EPM2A: variants seen among roughly 807,000 people sequenced by gnomAD.
EPM2A encodes the protein laforin.
Under a neutral mutation model 26.5 loss-of-function variants are expected in EPM2A, and 21 were observed. The observed-to-expected ratio is 0.79, with a 90% CI of 0.56 to 1.14. The LOEUF is 1.14. Among genes scored for constraint, EPM2A ranks in the 50% most tolerant of loss-of-function variants. The pLI is 0.00. For synonymous variants in EPM2A, 217 were observed against 177.6 expected (o/e 1.22, Z -1.76); for missense variants, 458 against 440.8 (o/e 1.04, Z -0.35).
chr6:145,476,304 A>G (rs1160319488), intron 4 of EPM2A, among the ~76,000 whole-genome samples: 1 of 152,086 alleles, frequency 6.6e-6, no homozygotes, highest in Non-Finnish European at 1.5e-5. Context: ...AGAGCTAAAG[A>G]GAGATATAGG....
At chr6:145,707,092 C>T (rs919125695) in intron 1 of EPM2A, among the ~76,000 whole-genome samples, 1 of 152,122 alleles carries the variant, frequency 6.6e-6, no homozygotes, top group Non-Finnish European at 1.5e-5. Flanking sequence ...CTTTGACTTC[C>T]CAGCCTCCAG....
At chr6:145,697,051 G>T (rs1167215392) in intron 1 of EPM2A, among the ~76,000 whole-genome samples, 2 of 152,066 alleles carry the variant, frequency 1.3e-5, no homozygotes, top group African/African-American at 4.8e-5. Context: ...GTGCATAATA[G>T]GTTGGCCTCA....
intron 2 of EPM2A, among the ~76,000 whole-genome samples, chr6:145,550,900 G>A (rs544803803): frequency 1.3e-5 from 2 of 151,982 alleles, no homozygotes; most frequent in East Asian, 1.9e-4. Flanking sequence ...AGAAATATAA[G>A]TCAACAGTAG....
chr6:145,530,499 G>A (rs1780339198), intron 2 of EPM2A, among the ~76,000 whole-genome samples: 1 of 151,828 alleles, frequency 6.6e-6, no homozygotes, highest in Non-Finnish European at 1.5e-5. Flanking sequence ...TTAAGAGACA[G>A]GCAGACCTGA....
chr6:145,542,737 T>A (rs968790412), intron 2 of EPM2A, among the ~76,000 whole-genome samples: 1 of 152,148 alleles, frequency 6.6e-6, no homozygotes, highest in African/African-American at 2.4e-5. Flanking sequence ...TGCTTCCTTC[T>A]GTTTTTTTCT....
chr6:145,719,687 G>A (rs1412642112), intron 1 of EPM2A, among the ~76,000 whole-genome samples: 1 of 152,092 alleles, frequency 6.6e-6, no homozygotes, highest in African/African-American at 2.4e-5. Flanking sequence ...GTCCTTACTT[G>A]ACAATAAACA....
chr6:145,592,231 A>AT (rs1562395115), intron 2 of EPM2A, among the ~76,000 whole-genome samples: 1 of 136,206 alleles, frequency 7.3e-6, no homozygotes. Context: ...TCATTGTTCA[A>AT]TTCCCACCTA....
chr6:145,387,167 A>T (rs999469165), intron 4 of EPM2A, among the ~76,000 whole-genome samples: 8 of 152,152 alleles, frequency 5.3e-5, no homozygotes, highest in African/African-American at 1.9e-4. Flanking sequence ...ATTGTCCCTA[A>T]AGTTTTTCAA....
At chr6:145,585,288 C>G (rs1781177189) in intron 2 of EPM2A, among the ~76,000 whole-genome samples, 1 of 152,016 alleles carries the variant, frequency 6.6e-6, no homozygotes, top group Non-Finnish European at 1.5e-5. Flanking sequence ...TTTTCATCAC[C>G]TTTGGAAAAA....
chr6:145,504,377 T>A (rs367737617), intron 2 of EPM2A, among the ~76,000 whole-genome samples: 3 of 126,316 alleles, frequency 2.4e-5, no homozygotes, highest in South Asian at 3.1e-4. Context: ...GAATCTACAA[T>A]GAACTCAAAC....
rs115995584 is a variant in EPM2A, at chr6:145,407,802, G to T, written c.556-23705C>A. Among the ~76,000 whole-genome samples, 1,216 of 152,232 alleles carry T rather than the reference G, an allele frequency of 8.0e-3. 12 individuals carry two copies. Among genetic ancestry groups the T allele is most frequent in the African/African-American group, 0.028 (1,171 of 41,546 alleles). On this transcript the variant is annotated intron_variant, in intron 4 of 4. Transcript: ENST00000638717. ...ATTATTCTTAAAAAATTGTCGTCAAGTCAGGAAGTTATAAATAGATACACA... is the reference window on the plus strand; with the variant it reads ...ATTATTCTTAAAAAATTGTCGTCAATTCAGGAAGTTATAAATAGATACACA...
downstream of EPM2A, among the ~76,000 whole-genome samples, chr6:145,500,322 A>T (rs1779873225): frequency 6.6e-6 from 1 of 152,232 alleles, no homozygotes; most frequent in Admixed American, 6.5e-5. Flanking sequence ...GATTTTCTAC[A>T]GCTTGCATTT....
downstream of EPM2A, among the ~76,000 whole-genome samples, chr6:145,496,728 A>ATGTT (rs779194973): frequency 1.6e-4 from 17 of 106,904 alleles, 3 homozygotes; most frequent in Admixed American, 3.9e-4. Context: ...AGTTCCTGCA[A>ATGTT]TTTTTTTTTT....
rs1004712090 is a variant in EPM2A at position 145,444,980 on chromosome 6, T to C, written c.555+57542A>G. ...AGTGTGTGTTCCATTAGTTTAGTGG[T>C]CAGGTAATGATTGGACTGAAATTTC... On this transcript the variant is annotated intron_variant, in intron 4 of 4. Transcript: ENST00000638717. Among the ~76,000 whole-genome samples, 6 of 152,156 alleles carry C rather than the reference T, an allele frequency of 3.9e-5. No homozygotes were observed. In the South Asian group the frequency reaches 1.2e-3, roughly 32 times the overall value.
At chr6:145,651,288 C>CTT (rs1253176010) in intron 2 of EPM2A, among the ~76,000 whole-genome samples, 2 of 152,188 alleles carry the variant, frequency 1.3e-5, no homozygotes, top group Non-Finnish European at 2.9e-5. Flanking sequence ...AGGAATTCTA[C>CTT]ATCAGCTTTT....
At chr6:145,720,363 C>T (rs573756514) in intron 1 of EPM2A, among the ~76,000 whole-genome samples, 17 of 152,232 alleles carry the variant, frequency 1.1e-4, no homozygotes, top group Middle Eastern at 3.4e-3. Flanking sequence ...GTTTTACTTC[C>T]ATTTACAAGC....
chr6:145,683,411 T>C (rs1780693523), intron 2 of EPM2A, among the ~76,000 whole-genome samples: 1 of 150,254 alleles, frequency 6.7e-6, no homozygotes, highest in Non-Finnish European at 1.5e-5. Context: ...TACATTTTAA[T>C]ATATTACTAT....
At chr6:145,498,601 C>T (rs1176474538), downstream of EPM2A, among the ~76,000 whole-genome samples, 1 of 152,202 alleles carries the variant, frequency 6.6e-6, no homozygotes, top group South Asian at 2.1e-4. Flanking sequence ...TCATTAACCA[C>T]TTCCCTCGGT....
chr6:145,412,713 A>C (rs1017639362), intron 4 of EPM2A, among the ~76,000 whole-genome samples: 4 of 152,206 alleles, frequency 2.6e-5, no homozygotes, highest in African/African-American at 9.6e-5. Context: ...TTCATTTCTC[A>C]TCTATTCTAT....
Sources: allele counts gnomAD v4.1 joint callset (sites outside exome capture counted in the v4.1 genomes callset), GRCh38; gene constraint gnomAD v4.1.1; transcripts MANE v1.5; gene names NCBI Gene and HGNC (gene_info 2026-07-23, HGNC 2026-07-21).